STAU2: variants seen among roughly 807,000 people sequenced by gnomAD.
STAU2 encodes the protein double-stranded RNA-binding protein Staufen homolog 2.
STAU2 carries 20 observed loss-of-function variants against 65.9 expected under a neutral mutation model. The ratio of observed to expected loss-of-function variants is 0.30; its 90% CI spans 0.21 to 0.44. The LOEUF is 0.44. STAU2 is among the 20% of genes least tolerant of loss of function. The probability of loss-of-function intolerance (pLI) is 1.00; values close to 1 mark genes in which losing one functional copy is unlikely to be tolerated. For missense variants in STAU2, 558 were observed against 683.9 expected, an observed-to-expected ratio of 0.82 and a Z score of 2.05; for synonymous variants, 232 against 233.9, an observed-to-expected ratio of 0.99 and a Z score of 0.07.
At chr8:73,439,134 G>A (rs192044677) in intron 13 of STAU2, 14 of 429,972 alleles carry the variant, frequency 3.3e-5, no homozygotes, top group African/African-American at 2.2e-4. Flanking sequence ...CTCTTCGTGG[G>A]GAGAAAATCA....
intron 3 of STAU2, among the ~76,000 whole-genome samples, chr8:73,723,768 T>C (rs1236113134): frequency 6.6e-6 from 1 of 151,762 alleles, no homozygotes; most frequent in Non-Finnish European, 1.5e-5. Flanking sequence ...AATACAGTTA[T>C]AATGTTTTAA....
Position 73,743,443 on chromosome 8 carries a change from A to G in STAU2, c.-197+3340T>C, listed in dbSNP as rs567634142. On this transcript the variant is annotated intron_variant, in intron 1 of 14. Transcript: ENST00000524300. ...TCTTTTCTTCACTATACACCAAATT[A>G]AAAAAGACTTGCCTTCTTTTTAATT... 1.7e-4 allele frequency among the ~76,000 whole-genome samples: 26 copies of G among 150,994 alleles called. No homozygotes were observed. The South Asian group carries it at 5.4e-3, about 32-fold the overall frequency.
intron 5 of STAU2, among the ~76,000 whole-genome samples, chr8:73,678,673 T>TATC (rs1220930718): frequency 6.6e-6 from 1 of 152,234 alleles, no homozygotes; most frequent in African/African-American, 2.4e-5. Flanking sequence ...GTGTTAAATA[T>TATC]ATCATGGTGG....
rs180683277 is a variant in STAU2, at chr8:73,678,290, C to T, written c.275-5048G>A. Among the ~76,000 whole-genome samples, 50 of 152,206 alleles carry T rather than the reference C, an allele frequency of 3.3e-4. 1 individual carries two copies. The East Asian group carries it at 9.2e-3, about 28-fold the overall frequency. Reference sequence around the variant, plus strand: ...TCGTAAAGCTGGCATTCAAGTCGTCCCAATTCACTCACTAACTACATCTCC... The same window carrying T: ...TCGTAAAGCTGGCATTCAAGTCGTCTCAATTCACTCACTAACTACATCTCC... On this transcript the variant is annotated intron_variant, in intron 5 of 14. Coordinates refer to ENST00000524300, the MANE Select transcript of STAU2 (RefSeq NM_001164380.2).
At chr8:73,596,882 T>A (rs566628667) in intron 10 of STAU2, among the ~76,000 whole-genome samples, 148 of 152,204 alleles carry the variant, frequency 9.7e-4, no homozygotes, top group African/African-American at 3.2e-3. Context: ...AAAAATTTTA[T>A]AAACAATGTA....
chr8:73,497,811 A>T (rs1304850310), intron 13 of STAU2, among the ~76,000 whole-genome samples: 1 of 151,700 alleles, frequency 6.6e-6, no homozygotes. Context: ...ACAGACTAGT[A>T]ATAACACACT....
At chr8:73,641,012 A>G (rs1814917421) in intron 6 of STAU2, among the ~76,000 whole-genome samples, 1 of 152,212 alleles carries the variant, frequency 6.6e-6, no homozygotes, top group African/African-American at 2.4e-5. Flanking sequence ...TAGGTCATAA[A>G]TTTCACGTAG....
At chr8:73,742,820 C>T (rs1237491188) in intron 1 of STAU2, among the ~76,000 whole-genome samples, 1 of 152,086 alleles carries the variant, frequency 6.6e-6, no homozygotes, top group Non-Finnish European at 1.5e-5. Flanking sequence ...TTATGAATTA[C>T]ATTTTGCCCA....
rs1451759343 is a variant in STAU2, at chr8:73,739,796, T to G, written c.-124A>C. On this transcript the variant is annotated 5_prime_UTR_variant, in exon 2 of 15. Coordinates refer to ENST00000524300, the MANE Select transcript of STAU2 (RefSeq NM_001164380.2). ...TCAAATTACTTTGTGTATCTTTGAG[T>G]TCTTCTTTTTCTGTCTTCTTTTTTT... 33 of 1,525,664 alleles carry G rather than the reference T, an allele frequency of 2.2e-5. No individual in the cohort carries two copies. The highest frequency in any genetic ancestry group is 2.9e-5 in the Non-Finnish European group (33 of 1,143,016). 94.5% of individuals were successfully genotyped at this position (1,525,664 alleles called of 1,614,324 possible). A position where few individuals can be genotyped will look rare whatever the true frequency, so the allele number is the denominator to read the frequency against.
intron 12 of STAU2, among the ~76,000 whole-genome samples, chr8:73,552,952 C>T (rs1807444102): frequency 3.9e-5 from 6 of 152,310 alleles, no homozygotes; most frequent in African/African-American, 1.2e-4. Context: ...TCCTGGCAAC[C>T]ATCTCTGATT....
At position 73,522,448 on chromosome 8, in the gene STAU2, T is replaced by C. The variant is rs377411574; in HGVS notation, c.1530+29564A>G. Among the ~76,000 whole-genome samples the C allele has an allele frequency of 6.4e-4, 97 of 152,238 alleles. No individual in the cohort carries two copies. The South Asian group carries it at 0.019, about 30-fold the overall frequency. The stretch of plus-strand genomic sequence containing the variant: ...TCCAAATAGGATATGCTGAAGAATA[T>C]TGAGCAAAACCCTCACCAGCTCAAT... On this transcript the variant is annotated intron_variant, in intron 13 of 14. Coordinates refer to ENST00000524300, the MANE Select transcript of STAU2 (RefSeq NM_001164380.2).
intron 13 of STAU2, among the ~76,000 whole-genome samples, chr8:73,493,898 A>G (rs985413426): frequency 1.3e-5 from 2 of 151,872 alleles, no homozygotes; most frequent in African/African-American, 4.8e-5. Flanking sequence ...AATACTATTT[A>G]GCAAAGAAAG....
chr8:73,674,106 T>C (rs1817868968), intron 5 of STAU2, among the ~76,000 whole-genome samples: 1 of 148,550 alleles, frequency 6.7e-6, no homozygotes, highest in South Asian at 2.1e-4. Context: ...CTTACTTTTT[T>C]TAAAGAATAA....
intron 13 of STAU2, among the ~76,000 whole-genome samples, chr8:73,477,243 G>A (rs767438173): frequency 2.7e-4 from 41 of 152,034 alleles, no homozygotes; most frequent in Admixed American, 5.2e-4. Flanking sequence ...TGTTACAGAG[G>A]TTGGTTTTGA....
At chr8:73,723,483 G>A (rs180699969) in intron 3 of STAU2, among the ~76,000 whole-genome samples, 6 of 152,214 alleles carry the variant, frequency 3.9e-5, no homozygotes, top group African/African-American at 7.2e-5. Context: ...ATATTCTTCT[G>A]TATATTATGT....
intron 5 of STAU2, among the ~76,000 whole-genome samples, chr8:73,679,446 C>T (rs566778934): frequency 6.6e-6 from 1 of 152,316 alleles, no homozygotes; most frequent in African/African-American, 2.4e-5. Context: ...AGCCAAAACA[C>T]CGTGAGTGCC....
At chr8:73,701,787 T>C (rs544693565) in intron 4 of STAU2, among the ~76,000 whole-genome samples, 2 of 152,168 alleles carry the variant, frequency 1.3e-5, no homozygotes, top group Non-Finnish European at 2.9e-5. Context: ...ACTCCCATGT[T>C]TTTTAGGAGT....
chr8:73,506,990 T>C (rs1822107289), intron 13 of STAU2, among the ~76,000 whole-genome samples: 1 of 152,210 alleles, frequency 6.6e-6, no homozygotes, highest in Non-Finnish European at 1.5e-5. Context: ...TCAGGTTCCA[T>C]TTTTAATTCT....
At chr8:73,521,325 T>A (rs1414634241) in intron 13 of STAU2, among the ~76,000 whole-genome samples, 1 of 152,192 alleles carries the variant, frequency 6.6e-6, no homozygotes, top group Non-Finnish European at 1.5e-5. Flanking sequence ...TGGAAACAAT[T>A]CAGCTTAATT....
Sources: gnomAD v4.1 joint callset for allele counts (sites outside exome capture counted in the v4.1 genomes callset) on GRCh38, gnomAD v4.1.1 for gene constraint, MANE v1.5 for transcripts, NCBI Gene and HGNC (gene_info 2026-07-23, HGNC 2026-07-21) for gene names.